The following C6 variants were observed in gnomAD, a reference collection of about 807,000 sequenced individuals.
The protein encoded by C6 is complement component C6.
Under a neutral mutation model 112.9 loss-of-function variants are expected in C6, and 101 were observed. The ratio of observed to expected loss-of-function variants is 0.89; its 90% confidence interval spans 0.76 to 1.06. The LOEUF is 1.06. Ranked by LOEUF, C6 falls within the 50% of genes least tolerant of loss-of-function variation. The pLI, the probability that C6 is intolerant of heterozygous loss-of-function variation, is 0.00. For synonymous variants in C6, 431 were observed against 384.1 expected, an observed-to-expected ratio of 1.12 and a Z score of -1.43; for missense variants, 1,202 against 1,104.6, an observed-to-expected ratio of 1.09 and a Z score of -1.25.
chr5:41,209,590 C>G (rs1174709606), intron 1 of C6, among the ~76,000 whole-genome samples: 1 of 151,900 alleles, frequency 6.6e-6, no homozygotes, highest in Non-Finnish European at 1.5e-5. Flanking sequence ...GACAGAGAGC[C>G]AAATCATGGT....
intron 5 of C6, chr5:41,186,462 C>A (rs545330066): frequency 4.3e-6 from 2 of 465,518 alleles, no homozygotes; most frequent in South Asian, 4.8e-5. Flanking sequence ...TGGCTTTCAA[C>A]ATACAACAAA....
At chr5:41,261,324 G>T in exon 1 of C6, 1 of 401,750 alleles carries the variant, frequency 2.5e-6, no homozygotes, top group Middle Eastern at 1.2e-3. Context: ...AAATATTTAA[G>T]CTAGAAACAT....
chr5:41,143,064 T>C (rs1745497985), intron 17 of C6, 58 bp from the exon 18 acceptor site: 2 of 1,516,074 alleles, frequency 1.3e-6, no homozygotes, highest in Non-Finnish European at 1.8e-6. Flanking sequence ...GGTTTGGCTT[T>C]ATCTAAATCA....
At chr5:41,191,756 C>T (rs1750232144) in intron 5 of C6, among the ~76,000 whole-genome samples, 1 of 148,728 alleles carries the variant, frequency 6.7e-6, no homozygotes, top group Non-Finnish European at 1.5e-5. Flanking sequence ...ATTGTGTATC[C>T]TGCAACTTTA....
intron 15 of C6, among the ~76,000 whole-genome samples, chr5:41,151,925 T>TA (rs1186227212): frequency 6.6e-5 from 10 of 151,958 alleles, no homozygotes; most frequent in African/African-American, 9.7e-5. Flanking sequence ...CAGATTTTCT[T>TA]ACAAGAATCA....
At chr5:41,187,969 A>G (rs1749912947) in intron 5 of C6, among the ~76,000 whole-genome samples, 1 of 152,154 alleles carries the variant, frequency 6.6e-6, no homozygotes, top group Non-Finnish European at 1.5e-5. Context: ...AATCAAATGT[A>G]TTTCCCTACA....
chr5:41,245,845 T>C (rs1740989730), intron 1 of C6, among the ~76,000 whole-genome samples: 1 of 152,208 alleles, frequency 6.6e-6, no homozygotes, highest in Non-Finnish European at 1.5e-5. Context: ...TGATGATATT[T>C]TGTTTAGGAG....
rs1207598434 is a variant in C6, at chr5:41,142,677, G to A, written c.*148C>T. On this transcript the variant is annotated 3_prime_UTR_variant, in exon 18 of 18. Coordinates refer to ENST00000337836, the MANE Select transcript of C6 (RefSeq NM_000065.5). ...ATGCCCAAACAGGAGAGTCAGGGGA[G>A]AATAATGATCTCAAACTAACAGAAA... The A allele has an allele frequency of 1.3e-5, 9 of 698,358 alleles. No homozygotes were observed. The highest frequency in any genetic ancestry group is 2.1e-5 in the Non-Finnish European group (8 of 387,772). 43.3% of individuals were successfully genotyped at this position (698,358 alleles called of 1,614,324 possible). A position where few individuals can be genotyped will look rare whatever the true frequency, so the allele number is the denominator to read the frequency against.
intron 1 of C6, among the ~76,000 whole-genome samples, chr5:41,234,357 G>GTTTTTTTTT (rs1214001006): frequency 4.0e-5 from 5 of 125,642 alleles, no homozygotes; most frequent in African/African-American, 1.8e-4. Context: ...TTTGTTTTTT[G>GTTTTTTTTT]TTTTTTGTTT....
intron 7 of C6, 112 bp downstream of exon 7, chr5:41,181,247 A>G: frequency 7.3e-6 from 7 of 953,642 alleles, no homozygotes; most frequent in South Asian, 1.4e-5. Context: ...TTAAATCTGT[A>G]TTAGAAGTCA....
At chr5:41,218,235 C>T (rs972595466), upstream of C6, among the ~76,000 whole-genome samples, 3 of 152,080 alleles carry the variant, frequency 2.0e-5, no homozygotes, top group Non-Finnish European at 2.9e-5. Context: ...TCACAGAAAT[C>T]GTAACTTCCC....
At chr5:41,219,991 G>T (rs1377198689) in intron 1 of C6, among the ~76,000 whole-genome samples, 1 of 152,024 alleles carries the variant, frequency 6.6e-6, no homozygotes, top group Non-Finnish European at 1.5e-5. Context: ...GAAAGAACAG[G>T]AACAAATTGA....
At chr5:41,154,870 A>T in intron 14 of C6, 102 bp downstream of exon 14, 1 of 1,201,630 alleles carries the variant, frequency 8.3e-7, no homozygotes, top group South Asian at 1.2e-5. Flanking sequence ...GTTACTAAAA[A>T]CTAGTAAAAT....
chr5:41,158,814 T>G (rs548480440), intron 12 of C6, 29 bp from the exon 13 acceptor site: 3 of 1,214,390 alleles, frequency 2.5e-6, no homozygotes, highest in Non-Finnish European at 3.7e-6. Flanking sequence ...TATGTGTGTA[T>G]ATGTATGTAT....
At chr5:41,171,293 G>A (rs77444140) in intron 9 of C6, among the ~76,000 whole-genome samples, 1,970 of 152,270 alleles carry the variant, frequency 0.013, 26 homozygotes, top group Admixed American at 0.029. Flanking sequence ...TTAGTTGACG[G>A]TGATGCCATC....
intron 11 of C6, 99 bp downstream of exon 11, chr5:41,160,043 G>A (rs1160721717): frequency 1.3e-5 from 12 of 916,368 alleles, no homozygotes; most frequent in Non-Finnish European, 1.8e-5. Context: ...ACAAGGTGGA[G>A]GTTGCTAATA....
chr5:41,196,821 T>G (rs1401409616), intron 4 of C6, among the ~76,000 whole-genome samples: 1 of 152,054 alleles, frequency 6.6e-6, no homozygotes, highest in Admixed American at 6.6e-5. Context: ...ATAATTACCT[T>G]CCATTTCTGA....
At chr5:41,143,715 C>A (rs1423413) in intron 17 of C6, among the ~76,000 whole-genome samples, 18 of 152,186 alleles carry the variant, frequency 1.2e-4, no homozygotes, top group Non-Finnish European at 2.5e-4. Context: ...ACTCACAGGC[C>A]TGAGCTCTTT....
At chr5:41,191,634 G>A (rs1273974660) in intron 5 of C6, among the ~76,000 whole-genome samples, 3 of 151,926 alleles carry the variant, frequency 2.0e-5, no homozygotes, top group African/African-American at 7.3e-5. Flanking sequence ...TCATCTCCTT[G>A]GTTAAATTTA....
Sources: allele counts gnomAD v4.1 joint callset (sites outside exome capture counted in the v4.1 genomes callset), GRCh38; gene constraint gnomAD v4.1.1; transcripts MANE v1.5; gene names NCBI Gene and HGNC (gene_info 2026-07-23, HGNC 2026-07-21).